SAMD3: variants seen among roughly 807,000 people sequenced by gnomAD.
SAMD3 encodes the protein sterile alpha motif domain-containing protein 3.
SAMD3 carries 63 observed loss-of-function variants against 58.5 expected under a neutral mutation model. That is an observed-to-expected ratio of 1.08 (90% CI 0.88 to 1.33). The LOEUF is 1.33. Among genes scored for constraint, SAMD3 ranks in the 40% most tolerant of loss-of-function variants. SAMD3 has a pLI of 0.00. For synonymous variants in SAMD3, 220 were observed against 210.3 expected (o/e 1.05, Z -0.40); for missense variants, 604 against 608.4 (o/e 0.99, Z 0.08).
chr6:130,306,652 G>T (rs1450422764), intron 2 of SAMD3, among the ~76,000 whole-genome samples: 1 of 152,192 alleles, frequency 6.6e-6, no homozygotes, highest in Admixed American at 6.5e-5. Context: ...AGATGGCAAG[G>T]AGATTATGAA....
At chr6:130,220,824 T>C (rs934823749) in intron 1 of SAMD3, among the ~76,000 whole-genome samples, 1 of 151,996 alleles carries the variant, frequency 6.6e-6, no homozygotes, top group African/African-American at 2.4e-5. Context: ...AATAGAAACT[T>C]AGAAACAGAA....
At chr6:130,184,870 G>C (rs1211477762) in intron 5 of SAMD3, among the ~76,000 whole-genome samples, 1 of 152,138 alleles carries the variant, frequency 6.6e-6, no homozygotes, top group Non-Finnish European at 1.5e-5. Flanking sequence ...ATAGACTTTA[G>C]AATAAAGCCT....
intron 8 of SAMD3, among the ~76,000 whole-genome samples, chr6:130,155,285 G>T (rs1014774231): frequency 6.6e-6 from 1 of 152,148 alleles, no homozygotes; most frequent in Non-Finnish European, 1.5e-5. Flanking sequence ...CTTTTATATA[G>T]AGACAGATTA....
At position 130,147,079 on chromosome 6, in the gene SAMD3, C is replaced by T. The variant is rs147484581; in HGVS notation, c.1024-898G>A. On this transcript the variant is annotated intron_variant, in intron 9 of 11. Coordinates refer to ENST00000439090, the MANE Select transcript of SAMD3 (RefSeq NM_001017373.4). ...GTCCCTTTCCTCAAACTACCCCATCCTACCACTGCCTGAACTCTTCCCCCT... is the reference window on the plus strand; with the variant it reads ...GTCCCTTTCCTCAAACTACCCCATCTTACCACTGCCTGAACTCTTCCCCCT... Among the ~76,000 whole-genome samples, 1,251 of 152,282 alleles carry T rather than the reference C, an allele frequency of 8.2e-3. 22 individuals carry two copies. The highest frequency in any genetic ancestry group is 0.028 in the African/African-American group (1,180 of 41,556).
intron 2 of SAMD3, among the ~76,000 whole-genome samples, chr6:130,269,727 A>G (rs1156638741): frequency 1.3e-5 from 2 of 151,112 alleles, no homozygotes; most frequent in African/African-American, 4.9e-5. Context: ...TCTGTTCTTA[A>G]CACTATTATA....
chr6:130,268,336 A>T (rs1774434860), intron 2 of SAMD3, among the ~76,000 whole-genome samples: 3 of 152,236 alleles, frequency 2.0e-5, no homozygotes, highest in African/African-American at 7.2e-5. Context: ...AAAAATTTTG[A>T]AACATGAGAG....
chr6:130,163,920 T>C (rs1182883595), intron 8 of SAMD3, among the ~76,000 whole-genome samples: 1 of 152,152 alleles, frequency 6.6e-6, no homozygotes, highest in Non-Finnish European at 1.5e-5. Context: ...GGTATATATG[T>C]ACCCAATAAG....
rs189901893 is a variant in SAMD3 at position 130,282,796 on chromosome 6, G to T, written c.-188+30182C>A. On this transcript the variant is annotated intron_variant, in intron 2 of 13. Transcript: ENST00000368134. The stretch of plus-strand genomic sequence containing the variant: ...AAAATAATAACTTCTCACAAAGTCT[G>T]GAAACCTTGAAAGAAAGAGATTGGT... 5.9e-3 allele frequency among the ~76,000 whole-genome samples: 903 copies of T among 152,320 alleles called. 43 individuals carry two copies. The highest frequency in any genetic ancestry group is 0.053 in the Admixed American group (808 of 15,296).
chr6:130,220,795 A>G (rs1226226363), intron 1 of SAMD3, among the ~76,000 whole-genome samples: 1 of 152,236 alleles, frequency 6.6e-6, no homozygotes, highest in Non-Finnish European at 1.5e-5. Flanking sequence ...GGAGGAAAAG[A>G]GAACAGATAT....
chr6:130,275,158 C>T (rs963800852), intron 2 of SAMD3, among the ~76,000 whole-genome samples: 31 of 152,026 alleles, frequency 2.0e-4, no homozygotes, highest in African/African-American at 6.8e-4. Flanking sequence ...TCTTTGATTC[C>T]TTGTGGTGTC....
At chr6:130,151,306 T>C (rs960081908) in intron 9 of SAMD3, among the ~76,000 whole-genome samples, 1 of 152,074 alleles carries the variant, frequency 6.6e-6, no homozygotes, top group Non-Finnish European at 1.5e-5. Context: ...GCCTGTACCT[T>C]AATGCCTGAG....
chr6:130,293,072 A>G lies in SAMD3; in HGVS notation c.-188+19906T>C, dbSNP rs951078985. Among the ~76,000 whole-genome samples, 3 of 152,246 alleles carry G rather than the reference A, an allele frequency of 2.0e-5. No individual in the cohort carries two copies. The South Asian group carries it at 6.2e-4, about 32-fold the overall frequency. On this transcript the variant is annotated intron_variant, in intron 2 of 13. Transcript: ENST00000368134. ...GCTTTCTCCTTGCATCAAAGTCCCTAATCCTCAATTAGTATTTAAAATTAT... is the reference window on the plus strand; with the variant it reads ...GCTTTCTCCTTGCATCAAAGTCCCTGATCCTCAATTAGTATTTAAAATTAT...
At chr6:130,214,236 C>T (rs1352755089) in intron 4 of SAMD3, 101 bp downstream of exon 4, 53 of 916,386 alleles carry the variant, frequency 5.8e-5, no homozygotes, top group Non-Finnish European at 7.4e-5. Flanking sequence ...TAGCTGAAAA[C>T]GGTCACAGTT....
At chr6:130,176,095 C>T in intron 7 of SAMD3, 87 bp from the exon 8 acceptor site, 2 of 1,015,190 alleles carry the variant, frequency 2.0e-6, no homozygotes, top group Non-Finnish European at 3.1e-6. Flanking sequence ...CAATACATAC[C>T]TATCATCTTT....
intron 2 of SAMD3, among the ~76,000 whole-genome samples, chr6:130,244,066 T>C (rs933699146): frequency 1.3e-5 from 2 of 152,218 alleles, no homozygotes; most frequent in East Asian, 1.9e-4. Flanking sequence ...TTTCAAATAA[T>C]GGCTCTTTTT....
At chr6:130,165,573 A>C (rs1266628199) in intron 8 of SAMD3, among the ~76,000 whole-genome samples, 1 of 152,188 alleles carries the variant, frequency 6.6e-6, no homozygotes, top group East Asian at 1.9e-4. Context: ...AGTAGTTGAA[A>C]AGATCAGCCA....
intron 8 of SAMD3, among the ~76,000 whole-genome samples, chr6:130,165,416 A>C (rs1238220197): frequency 6.6e-6 from 1 of 152,158 alleles, no homozygotes; most frequent in Non-Finnish European, 1.5e-5. Context: ...AACAAACAAA[A>C]AAACACAGAG....
chr6:130,200,112 A>G (rs976154961), intron 5 of SAMD3, among the ~76,000 whole-genome samples: 10 of 152,142 alleles, frequency 6.6e-5, no homozygotes, highest in Non-Finnish European at 1.2e-4. Flanking sequence ...CAGAAAAAAA[A>G]AACTTTTAAA....
chr6:130,146,085 AAAAAG>A lies in SAMD3; in HGVS notation c.1115_1119del (p.Ser372PhefsTer21), dbSNP rs1366039890. On this transcript the variant is annotated frameshift_variant, in exon 10 of 12. Coordinates refer to ENST00000439090, the MANE Select transcript of SAMD3 (RefSeq NM_001017373.4). LOFTEE classifies it high-confidence loss of function. The stretch of plus-strand genomic sequence containing the variant: ...ATATTGATTGGATTGTCCACCACTG[AAAAAG>A]AAGTCAGTATATTTTCTGAATAGGA... 9.4e-6 allele frequency: 15 copies of A among 1,602,318 alleles called. No homozygotes were observed. In the East Asian group the frequency reaches 3.2e-4, roughly 34 times the overall value.
Sources: gnomAD v4.1 joint callset for allele counts (sites outside exome capture counted in the v4.1 genomes callset) on GRCh38, gnomAD v4.1.1 for gene constraint, MANE v1.5 for transcripts, NCBI Gene and HGNC (gene_info 2026-07-23, HGNC 2026-07-21) for gene names.